KHNYN: variants seen among roughly 807,000 people sequenced by gnomAD.
The protein encoded by KHNYN is KH and NYN domain containing, also known as protein KHNYN.
In KHNYN, 42 loss-of-function variants were observed where a neutral mutation model predicts 62.7. That is an observed-to-expected ratio of 0.67 (90% confidence interval 0.52 to 0.87). The LOEUF (loss-of-function observed/expected upper bound fraction) is 0.87, where lower values mean the gene tolerates loss of function less well. Among genes scored for constraint, KHNYN ranks in the 40% least tolerant of loss-of-function variants. The pLI is 0.00. For missense variants in KHNYN, 829 were observed against 874.1 expected, an observed-to-expected ratio of 0.95 and a Z score of 0.65; for synonymous variants, 347 against 345.6, an observed-to-expected ratio of 1.00 and a Z score of -0.04.
rs768797423 is a variant in KHNYN at position 24,440,503 on chromosome 14, A to G, written c.*3218A>G. On this transcript the variant is annotated 3_prime_UTR_variant, in exon 8 of 8. Transcript: ENST00000553935. ...GGCCCAGCACAACCCCTAGAGCAGG[A>G]AAGAGGGAAGGTACAGGGGTCCTCT... 1 of 1,596,074 alleles carries G rather than the reference A, an allele frequency of 6.3e-7. No homozygotes were observed. Among genetic ancestry groups the G allele is most frequent in the Non-Finnish European group, 8.5e-7 (1 of 1,171,322 alleles).
rs1299143384 is a variant in KHNYN at position 24,439,216 on chromosome 14, C to T, written c.*1931C>T. 6.6e-6 allele frequency: 1 copy of T among 151,526 alleles called. No individual in the cohort carries two copies. The highest frequency in any genetic ancestry group is 2.4e-5 in the African/African-American group (1 of 41,218). The allele number at this position is 151,526 out of a possible 1,614,324, so 9.4% of individuals were successfully genotyped here. ...TTTTTTCCTGATAGGGTTGTTTATA[C>T]TTCTTGATTGGTTTCTTGCCATTTT... On this transcript the variant is annotated 3_prime_UTR_variant, in exon 8 of 8. Transcript: ENST00000553935.
In KHNYN at chr14:24,430,937, C is replaced by A. The variant is rs910224631; in HGVS notation, c.201+6C>A. ...AAAACGCCAGCAGAGCCAAGGTGAA[C>A]GCCTTCTCTCCCCCATCCCTCCAGG... On this transcript the variant is annotated splice_donor_region_variant and intron_variant, in intron 2 of 7. Coordinates refer to ENST00000553935, the MANE Select transcript of KHNYN (RefSeq NM_015299.3). 1.9e-6 allele frequency: 3 copies of A among 1,608,660 alleles called. No homozygotes were observed. Among genetic ancestry groups the A allele is most frequent in the Admixed American group, 3.3e-5 (2 of 59,844 alleles).
At position 24,432,447 on chromosome 14, in the gene KHNYN, C is replaced by CG; in HGVS notation, c.1191dup (p.Pro398AlafsTer46). Reference sequence around the variant, plus strand: ...CAAGCAGCAGGGCATGGCACGGGGTCGGGGGCCTCAATGGAAACGAGGCGC... The same window carrying CG: ...CAAGCAGCAGGGCATGGCACGGGGTCGGGGGGCCTCAATGGAAACGAGGCGC... On this transcript the variant is annotated frameshift_variant, in exon 3 of 8. Transcript: ENST00000553935. LOFTEE classifies it high-confidence loss of function. This position sits in a 1 kb window ranked among gnomAD's most constrained non-coding sequence, Gnocchi z 5.6. The CG allele has an allele frequency of 6.2e-7, 1 of 1,613,330 alleles. No homozygotes were observed. The highest frequency in any genetic ancestry group is 1.1e-5 in the South Asian group (1 of 91,064).
rs1305034234 is a variant in KHNYN at position 24,439,432 on chromosome 14, C to T, written c.*2147C>T. ...CACTGTGTGGTTAGTAATGCACTTG[C>T]CATTTGGTGACACAGACTGAAGGCT... is the stretch of plus-strand genomic sequence containing the variant. On this transcript the variant is annotated 3_prime_UTR_variant, in exon 8 of 8. Transcript: ENST00000553935. 6.6e-6 allele frequency: 1 copy of T among 152,158 alleles called. No individual in the cohort carries two copies. Among genetic ancestry groups the T allele is most frequent in the Admixed American group, 6.6e-5 (1 of 15,266 alleles). The allele number at this position is 152,158 out of a possible 1,614,324, so 9.4% of individuals were successfully genotyped here.
chr14:24,436,504 A>G lies in KHNYN; in HGVS notation c.1787+15A>G, dbSNP rs374714077. On this transcript the variant is annotated intron_variant, in intron 7 of 7. Coordinates refer to ENST00000553935, the MANE Select transcript of KHNYN (RefSeq NM_015299.3). ...AAGCCAGCCAGGTAATCAATCCCCT[A>G]GACTACTTACAGGCAGCCCCCACCC... 9 of 1,594,126 alleles carry G rather than the reference A, an allele frequency of 5.6e-6. No homozygotes were observed. The African/African-American group carries it at 9.6e-5, about 17-fold the overall frequency.
chr14:24,428,357 C>T (rs372612096), upstream of KHNYN: 50 of 1,613,738 alleles, frequency 3.1e-5, no homozygotes, highest in Admixed American at 5.0e-5. Context: ...ACAGGGGCTA[C>T]GAAGGAGCCA....
chr14:24,430,648 A>C, intron 1 of KHNYN, 66 bp from the exon 2 acceptor site: 1 of 1,518,904 alleles, frequency 6.6e-7, no homozygotes, highest in Non-Finnish European at 8.9e-7. Flanking sequence ...TAGCTGGTGT[A>C]GTCCCAGGAA....
chr14:24,430,916 C>T lies in KHNYN; in HGVS notation c.186C>T (p.Asn62=), dbSNP rs1338134664. 6.2e-7 allele frequency: 1 copy of T among 1,613,022 alleles called. No individual in the cohort carries two copies. The highest frequency in any genetic ancestry group is 1.1e-5 in the South Asian group (1 of 91,020). ...TGCAGCTGGAGGGCCCCAAGGAAAA[C>T]GCCAGCAGAGCCAAGGTGAACGCCT... ...IWLQLEGPKE[N]ASRAKEYLKG... is the part of the protein sequence containing the mutation. Residue 62 remains asparagine, a synonymous_variant, in exon 2 of 8, where the codon AAC becomes AAT. Transcript: ENST00000553935.
Position 24,432,200 on chromosome 14 carries a change from T to C in KHNYN, c.939T>C (p.Ala313=). 6.3e-7 allele frequency: 1 copy of C among 1,588,014 alleles called. No homozygotes were observed. ...KGKALGKEEI[A]LGGGGFCVHR... ...AGGCCCTGGGGAAGGAGGAGATAGC[T>C]CTGGGAGGAGGAGGGTTCTGTGTCC... The change falls in exon 3 of 8, where the codon GCT becomes GCC. Residue 313 remains alanine, a synonymous_variant. Coordinates refer to ENST00000553935, the MANE Select transcript of KHNYN (RefSeq NM_015299.3). The surrounding 1 kb of genome is among the most constrained non-coding windows in gnomAD (Gnocchi z 5.6).
upstream of KHNYN, chr14:24,426,584 T>C (rs2139366631): frequency 6.6e-6 from 1 of 152,352 alleles, no homozygotes; most frequent in African/African-American, 2.4e-5. Flanking sequence ...CTCTGCAACA[T>C]ACCTACTTGT....
In KHNYN at chr14:24,437,111, A is replaced by G; in HGVS notation, c.1863A>G (p.Glu621=). 1 of 1,614,170 alleles carries G rather than the reference A, an allele frequency of 6.2e-7. No homozygotes were observed. Among genetic ancestry groups the G allele is most frequent in the African/African-American group, 1.3e-5 (1 of 75,022 alleles). The change falls in exon 8 of 8, where the codon GAA becomes GAG. Residue 621 remains glutamate (E), a synonymous_variant. Coordinates refer to ENST00000553935, the MANE Select transcript of KHNYN (RefSeq NM_015299.3). The surrounding 1 kb of genome is among the most constrained non-coding windows in gnomAD (Gnocchi z 5.5). ...ATGGTAAACAGCAGCAGGGGAGAGAAGAGGAAAAAGGTAGTGGTGGCATTC... is the reference window on the plus strand; with the variant it reads ...ATGGTAAACAGCAGCAGGGGAGAGAGGAGGAAAAAGGTAGTGGTGGCATTC... ...AEHGKQQQGR[E]EEKGSGGIRK...
chr14:24,429,669 G>A (rs1045560187), upstream of KHNYN: 5 of 1,113,730 alleles, frequency 4.5e-6, no homozygotes, highest in African/African-American at 8.6e-5. Flanking sequence ...GGCCAGTCAC[G>A]CTGCCTCTTT....
upstream of KHNYN, chr14:24,427,770 G>A (rs747551102): frequency 6.2e-7 from 1 of 1,612,740 alleles, no homozygotes; most frequent in African/African-American, 1.3e-5. This position sits in a 1 kb window ranked among gnomAD's most constrained non-coding sequence, Gnocchi z 4.4. Context: ...GGATTCTTGT[G>A]CTTGAAAGAC....
At position 24,439,916 on chromosome 14, in the gene KHNYN, T is replaced by C. The variant is rs983629467; in HGVS notation, c.*2631T>C. 1 of 606,508 alleles carries C rather than the reference T, an allele frequency of 1.6e-6. No homozygotes were observed. The highest frequency in any genetic ancestry group is 2.8e-6 in the Non-Finnish European group (1 of 353,610). 37.6% of individuals were successfully genotyped at this position (606,508 alleles called of 1,614,324 possible). A position where few individuals can be genotyped will look rare whatever the true frequency, so the allele number is the denominator to read the frequency against. ...AGATTAATGTCCCAACCTGATGAGA[T>C]TACGGCCTTGAGACAATAAGGTGGA... On this transcript the variant is annotated 3_prime_UTR_variant, in exon 8 of 8. Transcript: ENST00000553935.
In KHNYN at chr14:24,431,998, G is replaced by T; in HGVS notation, c.737G>T (p.Arg246Met). ...DTGSMGPGDC[R>M]GARGDTYAVE... ...GGATCTATGGGACCCGGAGATTGCAGGGGAGCAAGGGGAGACACTTACGCT... is the reference window on the plus strand; with the variant it reads ...GGATCTATGGGACCCGGAGATTGCATGGGAGCAAGGGGAGACACTTACGCT... The change falls in exon 3 of 8, where the codon AGG (arginine) becomes ATG (methionine). Residue 246 changes from arginine to methionine, a missense_variant. Transcript: ENST00000553935. The T allele has an allele frequency of 3.1e-6, 5 of 1,611,184 alleles. No individual in the cohort carries two copies. The highest frequency in any genetic ancestry group is 1.3e-5 in the African/African-American group (1 of 75,010).
chr14:24,430,980 CCCAGGGCGGAGGAGA>C lies in KHNYN; in HGVS notation c.201+50_201+64del, dbSNP rs1225617466. ...CCTCCAGGCACCAAGGACGCTTTCC[CCCAGGGCGGAGGAGA>C]GCAGGGCCGAGGAGAGCAGGGAAGA... On this transcript the variant is annotated intron_variant, in intron 2 of 7. Transcript: ENST00000553935. 6 of 1,548,792 alleles carry C rather than the reference CCCAGGGCGGAGGAGA, an allele frequency of 3.9e-6. No homozygotes were observed. In the African/African-American group the frequency reaches 8.2e-5, roughly 21 times the overall value.
intron 5 of KHNYN, chr14:24,435,593 G>A (rs1353267982): frequency 6.2e-6 from 1 of 160,774 alleles, no homozygotes. Context: ...CTTTTCAAAG[G>A]AAAGGCATGT....
At position 24,439,009 on chromosome 14, in the gene KHNYN, T is replaced by G. The variant is rs989435479; in HGVS notation, c.*1724T>G. The G allele has an allele frequency of 7.7e-4, 115 of 149,118 alleles. 7 individuals are homozygous for G. The highest frequency in any genetic ancestry group is 2.9e-5 in the Non-Finnish European group (2 of 68,032). 9.2% of individuals were successfully genotyped at this position (149,118 alleles called of 1,614,324 possible). A position where few individuals can be genotyped will look rare whatever the true frequency, so the allele number is the denominator to read the frequency against. ...TACTGACCCAGGCTGGGGGCAGGTG[T>G]GTTGGAGACAGGCTGGTCAAAGAGG... On this transcript the variant is annotated 3_prime_UTR_variant, in exon 8 of 8. Coordinates refer to ENST00000553935, the MANE Select transcript of KHNYN (RefSeq NM_015299.3).
At chr14:24,427,835 C>A (rs1221513199), upstream of KHNYN, 1 of 1,614,010 alleles carries the variant, frequency 6.2e-7, no homozygotes, top group Non-Finnish European at 8.5e-7. The surrounding 1 kb of genome is among the most constrained non-coding windows in gnomAD (Gnocchi z 4.4). Context: ...GTATTTCCAA[C>A]CACCCAGTAG....
Sources: allele counts gnomAD v4.1 joint callset, GRCh38; gene constraint gnomAD v4.1.1; non-coding constraint Gnocchi (gnomAD v3.1); transcripts MANE v1.5; gene names NCBI Gene and HGNC (gene_info 2026-07-23, HGNC 2026-07-21).